SORCS3: variants seen among roughly 807,000 people sequenced by gnomAD.
SORCS3 encodes VPS10 domain-containing receptor SorCS3.
In SORCS3, 57 loss-of-function variants were observed where a neutral mutation model predicts 146.3. The ratio of observed to expected loss-of-function variants is 0.39; its 90% CI spans 0.31 to 0.49. The LOEUF (loss-of-function observed/expected upper bound fraction) is 0.49. Among genes scored for constraint, SORCS3 ranks in the 20% least tolerant of loss-of-function variants. The pLI is 0.92. For synonymous variants in SORCS3, 653 were observed against 618.5 expected, an observed-to-expected ratio of 1.06 and a Z score of -0.83; for missense variants, 1,341 against 1,575.5, an observed-to-expected ratio of 0.85 and a Z score of 2.52.
At chr10:105,119,642 G>T (rs1368005546) in intron 7 of SORCS3, among the ~76,000 whole-genome samples, 1 of 152,198 alleles carries the variant, frequency 6.6e-6, no homozygotes, top group Admixed American at 6.5e-5. Context: ...AACATGATCT[G>T]CATGTGAGAC....
At chr10:104,949,105 T>C (rs2019402267) in intron 3 of SORCS3, among the ~76,000 whole-genome samples, 1 of 152,164 alleles carries the variant, frequency 6.6e-6, no homozygotes, top group African/African-American at 2.4e-5. Context: ...CACAATTTTT[T>C]TTTTCATGCT....
At chr10:105,137,506 AC>A (rs200867374) in intron 7 of SORCS3, among the ~76,000 whole-genome samples, 1 of 150,308 alleles carries the variant, frequency 6.7e-6, no homozygotes, top group African/African-American at 2.4e-5. Context: ...TAAAAAAAAA[AC>A]CCCACCTTTC....
chr10:105,046,046 G>A (rs1356868931), intron 5 of SORCS3, among the ~76,000 whole-genome samples: 1 of 152,024 alleles, frequency 6.6e-6, no homozygotes, highest in African/African-American at 2.4e-5. Flanking sequence ...CTTATGAAGT[G>A]ATCAACCAAA....
At chr10:105,133,512 A>G (rs1244561659) in intron 7 of SORCS3, among the ~76,000 whole-genome samples, 1 of 152,186 alleles carries the variant, frequency 6.6e-6, no homozygotes, top group Non-Finnish European at 1.5e-5. Context: ...GAAAGGCTAT[A>G]TGATGTTGGG....
intron 7 of SORCS3, among the ~76,000 whole-genome samples, chr10:105,127,699 CA>C (rs2055985949): frequency 6.6e-6 from 1 of 152,064 alleles, no homozygotes; most frequent in South Asian, 2.1e-4. Flanking sequence ...CAAGAGACCC[CA>C]AAAGGACCTG....
At chr10:104,984,149 A>C (rs949390348) in intron 4 of SORCS3, among the ~76,000 whole-genome samples, 1 of 152,188 alleles carries the variant, frequency 6.6e-6, no homozygotes, top group African/African-American at 2.4e-5. Flanking sequence ...AAGTTTTCTC[A>C]AAAGAAATGT....
intron 2 of SORCS3, among the ~76,000 whole-genome samples, chr10:104,884,060 A>G (rs2018658156): frequency 1.3e-5 from 2 of 152,106 alleles, no homozygotes; most frequent in African/African-American, 4.8e-5. Flanking sequence ...AGGGCAGGCA[A>G]TAGAGAAGGG....
At chr10:104,730,165 T>C (rs2016689833) in intron 1 of SORCS3, among the ~76,000 whole-genome samples, 1 of 152,234 alleles carries the variant, frequency 6.6e-6, no homozygotes, top group Admixed American at 6.5e-5. Flanking sequence ...GCATGTGAGA[T>C]GTATGCATAT....
intron 1 of SORCS3, among the ~76,000 whole-genome samples, chr10:104,730,060 T>C (rs1318144947): frequency 6.6e-6 from 1 of 152,174 alleles, no homozygotes; most frequent in East Asian, 1.9e-4. Flanking sequence ...TTGAATTTCT[T>C]TTGGTTGTCC....
chr10:104,742,665 A>C (rs2016862057), intron 1 of SORCS3, among the ~76,000 whole-genome samples: 1 of 152,246 alleles, frequency 6.6e-6, no homozygotes, highest in Non-Finnish European at 1.5e-5. Flanking sequence ...CATCAGAGCC[A>C]GGTCTGGGCC....
intron 5 of SORCS3, among the ~76,000 whole-genome samples, chr10:105,052,743 G>C (rs2133711878): frequency 6.6e-6 from 1 of 152,268 alleles, no homozygotes; most frequent in Non-Finnish European, 1.5e-5. Context: ...GGCCTAGAGA[G>C]AGAAGAGGTC....
chr10:104,934,355 A>C (rs1408714105), intron 3 of SORCS3, among the ~76,000 whole-genome samples: 1 of 152,222 alleles, frequency 6.6e-6, no homozygotes, highest in Non-Finnish European at 1.5e-5. Context: ...GTTTGGAATA[A>C]TTTTTGAACT....
intron 5 of SORCS3, among the ~76,000 whole-genome samples, chr10:105,056,230 C>T (rs2055444985): frequency 6.6e-6 from 1 of 152,176 alleles, no homozygotes; most frequent in South Asian, 2.1e-4. Context: ...AATAGCGTTT[C>T]TCAACCTCTA....
intron 5 of SORCS3, among the ~76,000 whole-genome samples, chr10:105,044,736 T>C (rs1290679091): frequency 5.9e-5 from 9 of 151,530 alleles, no homozygotes; most frequent in African/African-American, 2.2e-4. Flanking sequence ...TTGTACATGG[T>C]TCGGAGTAGT....
intron 6 of SORCS3, among the ~76,000 whole-genome samples, chr10:105,095,423 C>A (rs1234245258): frequency 6.6e-6 from 1 of 152,152 alleles, no homozygotes; most frequent in East Asian, 1.9e-4. Context: ...TTCTCAGGGA[C>A]TGTACTCTGA....
At chr10:104,914,024 C>T (rs1313963383) in intron 2 of SORCS3, among the ~76,000 whole-genome samples, 3 of 152,124 alleles carry the variant, frequency 2.0e-5, no homozygotes, top group Admixed American at 6.5e-5. Flanking sequence ...CCACCTCGGC[C>T]TCCCAAAGTG....
chr10:104,845,823 T>C (rs1245511867), intron 2 of SORCS3, among the ~76,000 whole-genome samples: 1 of 152,154 alleles, frequency 6.6e-6, no homozygotes, highest in Admixed American at 6.5e-5. Flanking sequence ...GGATGCAGTT[T>C]GGCAAGTGGA....
At chr10:104,935,772 G>T (rs983730381) in intron 3 of SORCS3, among the ~76,000 whole-genome samples, 4 of 152,178 alleles carry the variant, frequency 2.6e-5, no homozygotes, top group African/African-American at 9.6e-5. Flanking sequence ...TTTCTGGGCA[G>T]AGGAAATAGC....
chr10:105,172,712 C>G (rs181051387), intron 13 of SORCS3, among the ~76,000 whole-genome samples: 12 of 152,146 alleles, frequency 7.9e-5, no homozygotes, highest in Admixed American at 1.3e-4. Context: ...TTTAATTACT[C>G]TTATTGTCAG....
Sources: allele counts gnomAD v4.1 joint callset (sites outside exome capture counted in the v4.1 genomes callset), GRCh38; gene constraint gnomAD v4.1.1; transcripts MANE v1.5; gene names NCBI Gene and HGNC (gene_info 2026-07-23, HGNC 2026-07-21).